TMEM35A: variants seen among roughly 807,000 people sequenced by gnomAD.
TMEM35A encodes the protein transmembrane protein 35A.
For missense variants in TMEM35A, 83 were observed against 132.7 expected (o/e 0.63, Z 1.84); for synonymous variants, 50 against 54.7 (o/e 0.91, Z 0.38).
intron 1 of TMEM35A, among the ~76,000 whole-genome samples, chrX:101,089,722 T>G (rs1252128879): frequency 9.7e-6 from 1 of 102,657 alleles, no homozygotes; most frequent in African/African-American, 3.7e-5. Flanking sequence ...ACCACTGCAC[T>G]CCAGCCTCAG....
rs1443961891 is a variant in TMEM35A, at chrX:101,095,185, T to C, written c.*229T>C. On this transcript the variant is annotated 3_prime_UTR_variant, in exon 2 of 2. Transcript: ENST00000372930. ...CTCTGGGGCAACTCTCACATCTTGC[T>C]GCATGTACATGTATACGGCTACTAT... 7.8e-6 allele frequency: 3 copies of C among 385,044 alleles called. No homozygotes were observed. Among genetic ancestry groups the C allele is most frequent in the African/African-American group, 7.7e-5 (3 of 39,160 alleles). 31.7% of individuals were successfully genotyped at this position (385,044 alleles called of 1,213,427 possible).
intron 1 of TMEM35A, among the ~76,000 whole-genome samples, chrX:101,079,921 G>A (rs764091275): frequency 1.8e-5 from 2 of 111,760 alleles, no homozygotes; most frequent in South Asian, 7.5e-4. Context: ...AAGGTGACTG[G>A]CCAAAACATC....
chrX:101,085,843 T>G (rs980652729), intron 1 of TMEM35A, among the ~76,000 whole-genome samples: 128 of 106,586 alleles, frequency 1.2e-3, no homozygotes, highest in Non-Finnish European at 2.2e-3. Context: ...AGGCTGAGGC[T>G]GGAGAATTGC....
chrX:101,085,498 G>A (rs2089304473), intron 1 of TMEM35A, among the ~76,000 whole-genome samples: 1 of 111,430 alleles, frequency 9.0e-6, no homozygotes, highest in African/African-American at 3.3e-5. Context: ...CTGTTTGGGA[G>A]GCTGAGGCAG....
intron 1 of TMEM35A, among the ~76,000 whole-genome samples, chrX:101,090,736 T>C (rs73551057): frequency 0.021 from 2,370 of 111,178 alleles, 74 homozygotes; most frequent in African/African-American, 0.075. Context: ...TGGTAACACC[T>C]ATCTATCTCT....
At position 101,096,092 on chromosome X, in the gene TMEM35A, G is replaced by T. The variant is rs759471959; in HGVS notation, c.*1136G>T. 1.8e-5 allele frequency: 2 copies of T among 112,216 alleles called. No homozygotes were observed. The highest frequency in any genetic ancestry group is 7.3e-4 in the South Asian group (2 of 2,738). The allele number at this position is 112,216 out of a possible 1,213,427, so 9.2% of individuals were successfully genotyped here. ...CTACATTTCTTTATCATTCCAGTGG[G>T]TAGGGTTTAGCTGGGGGAAGGACAT... On this transcript the variant is annotated 3_prime_UTR_variant, in exon 2 of 2. Coordinates refer to ENST00000372930, the MANE Select transcript of TMEM35A (RefSeq NM_021637.3).
rs771239790 is a variant in TMEM35A at position 101,090,169 on chromosome X, C to CT, written c.121-4393dup. Among the ~76,000 whole-genome samples, 41 of 97,459 alleles carry CT rather than the reference C, an allele frequency of 4.2e-4. 1 individual carries two copies. The highest frequency in any genetic ancestry group is 3.0e-3 in the East Asian group (10 of 3,334). The allele number at this position is 97,459 out of a possible 115,157, so 84.6% of individuals were successfully genotyped here. A position where few individuals can be genotyped will look rare whatever the true frequency, so the allele number is the denominator to read the frequency against. The stretch of plus-strand genomic sequence containing the variant: ...ACTCTGTCTTTCCATTTCTTTCTTT[C>CT]TTTTTTTTTTTGAGACAGAGTCTTG... On this transcript the variant is annotated intron_variant, in intron 1 of 1. Coordinates refer to ENST00000372930, the MANE Select transcript of TMEM35A (RefSeq NM_021637.3).
intron 1 of TMEM35A, among the ~76,000 whole-genome samples, chrX:101,089,484 G>T (rs1323510274): frequency 1.8e-5 from 2 of 108,963 alleles, no homozygotes; most frequent in Non-Finnish European, 1.9e-5. Context: ...GCTTGTTCAG[G>T]ACCTTTCAAA....
chrX:101,078,951 A>G lies in TMEM35A; in HGVS notation c.-52A>G. The G allele has an allele frequency of 8.3e-7, 1 of 1,208,184 alleles. No individual in the cohort carries two copies. ...TGTGCTAACTGCCTGCACCTTGGAC[A>G]GAGCGGGTGCGCAAATCAGAAGGAT... On this transcript the variant is annotated 5_prime_UTR_variant, in exon 1 of 2. Transcript: ENST00000372930.
At chrX:101,092,459 CTG>C (rs1384042985) in intron 1 of TMEM35A, among the ~76,000 whole-genome samples, 1 of 111,882 alleles carries the variant, frequency 8.9e-6, no homozygotes, top group Middle Eastern at 4.2e-3. Context: ...GTTTACATAT[CTG>C]TTTCCCCCTA....
chrX:101,089,435 C>T (rs1191250854), intron 1 of TMEM35A, among the ~76,000 whole-genome samples: 1 of 110,134 alleles, frequency 9.1e-6, no homozygotes, highest in Non-Finnish European at 1.9e-5. Context: ...AAATTTTCCA[C>T]CCAAGGTAAG....
chrX:101,079,877 G>A (rs974452887), intron 1 of TMEM35A, among the ~76,000 whole-genome samples: 3 of 111,989 alleles, frequency 2.7e-5, no homozygotes, highest in African/African-American at 9.7e-5. Context: ...CCCTCTGCAG[G>A]TTTTCCCCTC....
At chrX:101,088,936 A>G (rs1191210570) in intron 1 of TMEM35A, among the ~76,000 whole-genome samples, 1 of 109,656 alleles carries the variant, frequency 9.1e-6, no homozygotes, top group African/African-American at 3.3e-5. Context: ...TGGGGTCTAC[A>G]TTTTTTCCCC....
chrX:101,078,918 G>C lies in TMEM35A; in HGVS notation c.-85G>C. The C allele has an allele frequency of 2.6e-6, 3 of 1,153,112 alleles. No homozygotes were observed. Among genetic ancestry groups the C allele is most frequent in the Non-Finnish European group, 3.5e-6 (3 of 851,660 alleles). ...CTGCTGCCTCCGCAGCGTCCCCCCA[G>C]CTCTCCCTGTGCTAACTGCCTGCAC... On this transcript the variant is annotated 5_prime_UTR_variant, in exon 1 of 2. Transcript: ENST00000372930.
At chrX:101,080,259 G>A (rs1466685121) in intron 1 of TMEM35A, among the ~76,000 whole-genome samples, 1 of 111,448 alleles carries the variant, frequency 9.0e-6, no homozygotes, top group Non-Finnish European at 1.9e-5. Flanking sequence ...ACATTGCGAG[G>A]AATTCATAGC....
At chrX:101,085,437 C>T (rs189544916) in intron 1 of TMEM35A, among the ~76,000 whole-genome samples, 1 of 110,148 alleles carries the variant, frequency 9.1e-6, no homozygotes, top group African/African-American at 3.3e-5. Flanking sequence ...CCCATCTCTA[C>T]CAAAAATACA....
chrX:101,086,474 C>G (rs1054178583), intron 1 of TMEM35A, among the ~76,000 whole-genome samples: 4 of 112,058 alleles, frequency 3.6e-5, no homozygotes, highest in African/African-American at 1.3e-4. Flanking sequence ...TCAGCTGATG[C>G]TATGACACTT....
At chrX:101,080,256 G>T (rs911795444) in intron 1 of TMEM35A, among the ~76,000 whole-genome samples, 4 of 111,535 alleles carry the variant, frequency 3.6e-5, no homozygotes, top group African/African-American at 9.8e-5. Flanking sequence ...CACACATTGC[G>T]AGGAATTCAT....
At chrX:101,090,836 AT>A (rs1173631039) in intron 1 of TMEM35A, among the ~76,000 whole-genome samples, 2,268 of 95,852 alleles carry the variant, frequency 0.024, 63 homozygotes, top group African/African-American at 0.064. Context: ...GTTCTGTAGA[AT>A]TTTTTTTTTT....
Sources: gnomAD v4.1 joint callset for allele counts (sites outside exome capture counted in the v4.1 genomes callset) on GRCh38, gnomAD v4.1.1 for gene constraint, MANE v1.5 for transcripts, NCBI Gene and HGNC (gene_info 2026-07-23, HGNC 2026-07-21) for gene names.